The following STXBP5 variants were observed in gnomAD, a reference collection of about 807,000 sequenced individuals.
The protein encoded by STXBP5 is syntaxin-binding protein 5.
A neutral mutation model predicts 152.4 loss-of-function variants in STXBP5; 50 were observed. That is an observed-to-expected ratio of 0.33 (90% confidence interval 0.26 to 0.42). STXBP5 has a LOEUF of 0.42. Among genes scored for constraint, STXBP5 ranks in the 10% least tolerant of loss-of-function variants. The pLI is 1.00. For missense variants in STXBP5, 1,167 were observed against 1,388.6 expected, an observed-to-expected ratio of 0.84 and a Z score of 2.54; for synonymous variants, 492 against 494.7, an observed-to-expected ratio of 0.99 and a Z score of 0.07.
At chr6:147,339,135 G>A in intron 19 of STXBP5, 44 bp from the exon 20 acceptor site, 2 of 1,469,278 alleles carry the variant, frequency 1.4e-6, no homozygotes, top group Admixed American at 2.3e-5. Flanking sequence ...CAGTATTTAT[G>A]ACTGACCATC....
At chr6:147,338,898 T>C (rs1783962903) in intron 19 of STXBP5, among the ~76,000 whole-genome samples, 1 of 151,756 alleles carries the variant, frequency 6.6e-6, no homozygotes, top group Non-Finnish European at 1.5e-5. Context: ...TTTTTTTTAA[T>C]ATATTTTCTA....
intron 8 of STXBP5, among the ~76,000 whole-genome samples, chr6:147,282,621 A>C (rs186273102): frequency 6.6e-6 from 1 of 152,290 alleles, no homozygotes; most frequent in Non-Finnish European, 1.5e-5. Flanking sequence ...TGTATGGTAC[A>C]TCTAGGAGTA....
intron 18 of STXBP5, among the ~76,000 whole-genome samples, chr6:147,332,412 AAT>A (rs1582957290): frequency 6.6e-6 from 1 of 152,336 alleles, no homozygotes; most frequent in East Asian, 1.9e-4. Flanking sequence ...TTTAAAATAA[AAT>A]AGAGTGTCTA....
chr6:147,239,558 A>G (rs1225537197), intron 4 of STXBP5, among the ~76,000 whole-genome samples: 2 of 152,314 alleles, frequency 1.3e-5, no homozygotes, highest in Middle Eastern at 3.4e-3. Flanking sequence ...ATAAAAGGGA[A>G]GCTATTACAT....
chr6:147,318,349 CAGTTTTTTTACT>C (rs756539125), intron 16 of STXBP5, among the ~76,000 whole-genome samples: 73 of 151,970 alleles, frequency 4.8e-4, no homozygotes, highest in Non-Finnish European at 7.2e-4. Context: ...CTTTTTTTTC[CAGTTTTTTTACT>C]GACTGAAAGA....
chr6:147,242,208 ATAAAT>A (rs994927093), intron 4 of STXBP5, among the ~76,000 whole-genome samples: 55 of 152,006 alleles, frequency 3.6e-4, no homozygotes, highest in Non-Finnish European at 6.3e-4. Context: ...AAAAGTAAAA[ATAAAT>A]TAAACATATA....
At chr6:147,231,284 C>T (rs1352394403) in intron 2 of STXBP5, among the ~76,000 whole-genome samples, 2 of 151,572 alleles carry the variant, frequency 1.3e-5, no homozygotes, top group Non-Finnish European at 3.0e-5. Context: ...AGACTGTGCT[C>T]CTGATCTGTT....
At chr6:147,220,611 T>C (rs1777410502) in intron 2 of STXBP5, among the ~76,000 whole-genome samples, 1 of 152,170 alleles carries the variant, frequency 6.6e-6, no homozygotes, top group Admixed American at 6.5e-5. Context: ...ATTGACTCTT[T>C]TTTCATTTTG....
chr6:147,227,917 A>G (rs565302763), intron 2 of STXBP5, among the ~76,000 whole-genome samples: 2 of 151,870 alleles, frequency 1.3e-5, no homozygotes, highest in Admixed American at 6.6e-5. Context: ...TCCCTTATGC[A>G]TTGGCTGCTG....
chr6:147,213,434 A>ATG (rs1159372834), intron 2 of STXBP5, among the ~76,000 whole-genome samples: 17,214 of 84,912 alleles, frequency 0.2, 1,235 homozygotes, highest in Middle Eastern at 0.28. Context: ...AATTTTATAT[A>ATG]TGTGTGTGTG....
chr6:147,204,586 C>G lies in STXBP5; in HGVS notation c.54C>G (p.Ser18=), dbSNP rs1216761674. ...TGGACGGCCTGACCGCCGGCTCGTC[C>G]TCGGCGTCGCAGCAGCAACAGCAGC... ...KVLDGLTAGS[S]SASQQQQQQH... Residue 18 remains serine, a synonymous_variant, in exon 1 of 28, where the codon TCC becomes TCG. Transcript: ENST00000321680. The surrounding 1 kb of genome is among the most constrained non-coding windows in gnomAD (Gnocchi z 4.3). 6.2e-7 allele frequency: 1 copy of G among 1,609,794 alleles called. No homozygotes were observed. The highest frequency in any genetic ancestry group is 8.5e-7 in the Non-Finnish European group (1 of 1,178,254).
intron 2 of STXBP5, among the ~76,000 whole-genome samples, chr6:147,223,214 C>T (rs994213451): frequency 1.3e-5 from 2 of 152,168 alleles, no homozygotes; most frequent in Non-Finnish European, 2.9e-5. Context: ...TTAAAACTGA[C>T]GTTTATCAAG....
intron 21 of STXBP5, among the ~76,000 whole-genome samples, chr6:147,341,721 A>G (rs1409492719): frequency 6.6e-6 from 1 of 150,738 alleles, no homozygotes; most frequent in Non-Finnish European, 1.5e-5. Flanking sequence ...TGGCAGTCAC[A>G]ATTTAATGGT....
At chr6:147,291,376 A>G (rs1302832478) in intron 9 of STXBP5, among the ~76,000 whole-genome samples, 1 of 152,164 alleles carries the variant, frequency 6.6e-6, no homozygotes, top group Non-Finnish European at 1.5e-5. Context: ...TAGTAGTTTT[A>G]CACATTATCT....
intron 16 of STXBP5, among the ~76,000 whole-genome samples, chr6:147,318,059 A>G (rs1229522088): frequency 1.3e-5 from 2 of 151,738 alleles, no homozygotes; most frequent in Admixed American, 1.3e-4. Context: ...AATTAGAATG[A>G]TTTATTTAAT....
chr6:147,315,600 T>C lies in STXBP5; in HGVS notation c.1488T>C (p.Ile496=). 6.2e-7 allele frequency: 1 copy of C among 1,613,886 alleles called. No individual in the cohort carries two copies. The highest frequency in any genetic ancestry group is 8.5e-7 in the Non-Finnish European group (1 of 1,179,900). The change falls in exon 15 of 28, where the codon ATT becomes ATC. Residue 496 remains isoleucine, a synonymous_variant. Coordinates refer to ENST00000321680, the MANE Select transcript of STXBP5 (RefSeq NM_001127715.4). ...AAGATGACAGGCCAAACACAGACAT[T>C]GTAGATGAAGATCCATATGCCATTC... ...RNKDDRPNTD[I]VDEDPYAIQI... is the part of the protein sequence containing the mutation.
chr6:147,212,700 G>C (rs1355608188), intron 2 of STXBP5, among the ~76,000 whole-genome samples: 1 of 152,150 alleles, frequency 6.6e-6, no homozygotes, highest in Non-Finnish European at 1.5e-5. Flanking sequence ...GGCTCCCTCA[G>C]CTTTGTGTCC....
At chr6:147,359,052 G>T in intron 22 of STXBP5, 32 bp from the exon 23 acceptor site, 2 of 1,599,512 alleles carry the variant, frequency 1.3e-6, no homozygotes, top group South Asian at 1.1e-5. Flanking sequence ...TTTATAACTT[G>T]AGCAATCTCA....
In STXBP5 at chr6:147,326,562, T is replaced by C. The variant is rs73586336; in HGVS notation, c.1929-563T>C. On this transcript the variant is annotated intron_variant, in intron 17 of 27. Coordinates refer to ENST00000321680, the MANE Select transcript of STXBP5 (RefSeq NM_001127715.4). ...TTAGTTATATAGCTCTCTATACATG[T>C]CAGTTCTCCATTCCTGGCTTAAAAG... is the stretch of plus-strand genomic sequence containing the variant. Among the ~76,000 whole-genome samples, 1,450 of 152,322 alleles carry C rather than the reference T, an allele frequency of 9.5e-3. 17 individuals carry two copies. The highest frequency in any genetic ancestry group is 0.033 in the African/African-American group (1,367 of 41,562).
Sources: gnomAD v4.1 joint callset for allele counts (sites outside exome capture counted in the v4.1 genomes callset) on GRCh38, gnomAD v4.1.1 for gene constraint, Gnocchi (gnomAD v3.1) non-coding constraint, MANE v1.5 for transcripts, NCBI Gene and HGNC (gene_info 2026-07-23, HGNC 2026-07-21) for gene names.